DAPP1: variants seen among roughly 807,000 people sequenced by gnomAD.
DAPP1 encodes dual adaptor of phosphotyrosine and 3-phosphoinositides 1, also known as dual adapter for phosphotyrosine and 3-phosphotyrosine and 3-phosphoinositide.
A neutral mutation model predicts 41.5 loss-of-function variants in DAPP1; 20 were observed. The observed-to-expected ratio is 0.48, with a 90% confidence interval of 0.34 to 0.70. The LOEUF (loss-of-function observed/expected upper bound fraction) is 0.70, where lower values mean the gene tolerates loss of function less well. Ranked by LOEUF, DAPP1 falls within the 30% of genes least tolerant of loss-of-function variation. The pLI, the probability that DAPP1 is intolerant of heterozygous loss-of-function variation, is 0.01. For missense variants in DAPP1, 233 were observed against 333.4 expected (o/e 0.70, Z 2.35); for synonymous variants, 113 against 116.2 (o/e 0.97, Z 0.18).
chr4:99,820,398 A>G (rs901101495), intron 1 of DAPP1, among the ~76,000 whole-genome samples: 4 of 126,444 alleles, frequency 3.2e-5, no homozygotes, highest in African/African-American at 1.3e-4. Context: ...ATATATATGT[A>G]TAAACACAAA....
In DAPP1 at chr4:99,868,982, T is replaced by A. The variant is rs537226183; in HGVS notation, c.*797T>A. 1 of 152,340 alleles carries A rather than the reference T, an allele frequency of 6.6e-6. No homozygotes were observed. The highest frequency in any genetic ancestry group is 6.5e-5 in the Admixed American group (1 of 15,300). 9.4% of individuals were successfully genotyped at this position (152,340 alleles called of 1,614,324 possible). A position where few individuals can be genotyped will look rare whatever the true frequency, so the allele number is the denominator to read the frequency against. ...AGATAACTTTTAGTTTAATAATAAT[T>A]ATTGTTATTATACTACTAATAATAG... On this transcript the variant is annotated 3_prime_UTR_variant, in exon 9 of 9. Transcript: ENST00000512369.
chr4:99,868,216 G>C lies in DAPP1; in HGVS notation c.*31G>C, dbSNP rs1203932883. On this transcript the variant is annotated 3_prime_UTR_variant, in exon 9 of 9. Transcript: ENST00000512369. ...TCTTGCCAAGGAATGCTCTGGCCCA[G>C]GAGCAAGGTGGAATGTTTCCCTGAC... The C allele has an allele frequency of 1.1e-5, 18 of 1,570,254 alleles. No homozygotes were observed. The South Asian group carries it at 1.9e-4, about 16-fold the overall frequency.
At chr4:99,835,829 C>A (rs372728500) in intron 2 of DAPP1, 84 bp downstream of exon 2, 7 of 1,528,088 alleles carry the variant, frequency 4.6e-6, no homozygotes, top group South Asian at 3.8e-5. Context: ...TGCCAGACAG[C>A]AAAACTTCCC....
chr4:99,848,420 G>A (rs1447749765), intron 3 of DAPP1, among the ~76,000 whole-genome samples: 2 of 151,414 alleles, frequency 1.3e-5, no homozygotes, highest in African/African-American at 2.4e-5. Context: ...TAGTAAAGAC[G>A]GGGTTTCACC....
intron 3 of DAPP1, among the ~76,000 whole-genome samples, chr4:99,851,821 G>A (rs1168023733): frequency 1.3e-5 from 2 of 151,906 alleles, no homozygotes; most frequent in African/African-American, 4.8e-5. Context: ...CCAAAGTGCT[G>A]GGATTACAGA....
Position 99,858,896 on chromosome 4 carries a change from A to AT in DAPP1, c.490-2670dup, listed in dbSNP as rs139558614. ...CTGTGTTCATATGACCTCAAAAAAAATTTTTTTTTTTTGGAGACAGTGTGT... is the reference window on the plus strand; with the variant it reads ...CTGTGTTCATATGACCTCAAAAAAAATTTTTTTTTTTTTGGAGACAGTGTGT... On this transcript the variant is annotated intron_variant, in intron 4 of 8. Coordinates refer to ENST00000512369, the MANE Select transcript of DAPP1 (RefSeq NM_014395.3). 3.4e-3 allele frequency among the ~76,000 whole-genome samples: 506 copies of AT among 146,966 alleles called. 5 individuals carry two copies. The highest frequency in any genetic ancestry group is 0.01 in the African/African-American group (417 of 40,226).
rs1334383242 is a variant in DAPP1, at chr4:99,825,309, TG to T, written c.101+8296del. Among the ~76,000 whole-genome samples the T allele has an allele frequency of 2.6e-5, 4 of 152,228 alleles. No homozygotes were observed. In the East Asian group the frequency reaches 7.7e-4, roughly 29 times the overall value. On this transcript the variant is annotated intron_variant, in intron 1 of 8. Coordinates refer to ENST00000512369, the MANE Select transcript of DAPP1 (RefSeq NM_014395.3). ...GAATCTCTGAGTCTCCATGTCTGTC[TG>T]TCTCTGTGTTTTCGTCTTCCAGAGC...
chr4:99,862,991 G>A lies in DAPP1; in HGVS notation c.538-19G>A. On this transcript the variant is annotated intron_variant, in intron 5 of 8. Coordinates refer to ENST00000512369, the MANE Select transcript of DAPP1 (RefSeq NM_014395.3). ...ACTTTGTGTGTCTGTGTGTTTGTGT[G>A]TGTGTGTGTTTTTCTCAGACCTGGA... 6.4e-7 allele frequency: 1 copy of A among 1,573,566 alleles called. No homozygotes were observed. Among genetic ancestry groups the A allele is most frequent in the Non-Finnish European group, 8.6e-7 (1 of 1,160,622 alleles).
intron 3 of DAPP1, among the ~76,000 whole-genome samples, chr4:99,843,239 C>A (rs1008820341): frequency 6.6e-5 from 10 of 152,142 alleles, no homozygotes; most frequent in Non-Finnish European, 7.4e-5. Context: ...GAAATGATAT[C>A]CAAATAGCCA....
At chr4:99,829,647 C>T (rs1205909041) in intron 1 of DAPP1, among the ~76,000 whole-genome samples, 2 of 152,114 alleles carry the variant, frequency 1.3e-5, no homozygotes, top group Non-Finnish European at 2.9e-5. Context: ...ATGACCTCTC[C>T]TCACCAACAA....
At chr4:99,845,173 A>G (rs914167249) in intron 3 of DAPP1, among the ~76,000 whole-genome samples, 2 of 152,260 alleles carry the variant, frequency 1.3e-5, no homozygotes, top group Non-Finnish European at 2.9e-5. Flanking sequence ...AGGAAAACTC[A>G]GAGGTTTTAA....
chr4:99,828,906 G>A (rs922634684), intron 1 of DAPP1, among the ~76,000 whole-genome samples: 14 of 152,254 alleles, frequency 9.2e-5, no homozygotes, highest in South Asian at 2.1e-4. Flanking sequence ...CAATGTGTGG[G>A]CCTTGGGGAA....
downstream of DAPP1, among the ~76,000 whole-genome samples, chr4:99,872,261 C>T (rs1724645324): frequency 6.6e-6 from 1 of 152,088 alleles, no homozygotes. Context: ...TCCAGGCATA[C>T]CTTGAAGATA....
intron 4 of DAPP1, among the ~76,000 whole-genome samples, chr4:99,860,913 G>A (rs1724215443): frequency 6.6e-6 from 1 of 152,196 alleles, no homozygotes; most frequent in Non-Finnish European, 1.5e-5. Flanking sequence ...TGTTAGCTAA[G>A]TGTGTGCTAT....
chr4:99,853,476 T>A (rs1445823049), intron 4 of DAPP1, 128 bp downstream of exon 4: 5 of 1,307,324 alleles, frequency 3.8e-6, no homozygotes, highest in Non-Finnish European at 3.1e-6. Flanking sequence ...TGGAAAGGAA[T>A]GTGAGATTTG....
At chr4:99,859,985 A>C (rs1311878908) in intron 4 of DAPP1, among the ~76,000 whole-genome samples, 1 of 152,174 alleles carries the variant, frequency 6.6e-6, no homozygotes, top group Non-Finnish European at 1.5e-5. Context: ...GCTTCACCTG[A>C]ACTGTGTTGG....
chr4:99,859,803 C>A (rs1724174743), intron 4 of DAPP1, among the ~76,000 whole-genome samples: 1 of 152,208 alleles, frequency 6.6e-6, no homozygotes, highest in Non-Finnish European at 1.5e-5. Context: ...CACCTCCACC[C>A]CTTCAGGCAG....
intron 1 of DAPP1, among the ~76,000 whole-genome samples, chr4:99,830,787 T>A (rs899933109): frequency 2.0e-5 from 3 of 150,766 alleles, no homozygotes; most frequent in Non-Finnish European, 4.4e-5. Flanking sequence ...TCTTTCTCTT[T>A]CTCTCTCTCT....
At chr4:99,870,857 C>A (rs939210150), downstream of DAPP1, among the ~76,000 whole-genome samples, 3 of 152,178 alleles carry the variant, frequency 2.0e-5, no homozygotes, top group African/African-American at 7.2e-5. Context: ...ACAGATGGTT[C>A]CTGACTTACA....
Sources: gnomAD v4.1 joint callset for allele counts (sites outside exome capture counted in the v4.1 genomes callset) on GRCh38, gnomAD v4.1.1 for gene constraint, MANE v1.5 for transcripts, NCBI Gene and HGNC (gene_info 2026-07-23, HGNC 2026-07-21) for gene names.